TLE4: variants seen among roughly 807,000 people sequenced by gnomAD.
TLE4 encodes the protein TLE family member 4, transcriptional corepressor.
In TLE4, 8 loss-of-function variants were observed where a neutral mutation model predicts 92.8. The ratio of observed to expected loss-of-function variants is 0.09; its 90% CI spans 0.05 to 0.16. The LOEUF (loss-of-function observed/expected upper bound fraction) is 0.16, where lower values mean the gene tolerates loss of function less well. TLE4 is among the 10% of genes least tolerant of loss of function. TLE4 has a pLI of 1.00. For missense variants in TLE4, 675 were observed against 997.6 expected (o/e 0.68, Z 4.36); for synonymous variants, 371 against 374.1 (o/e 0.99, Z 0.10).
At chr9:79,612,825 T>C in intron 5 of TLE4, 107 bp downstream of exon 5, 1 of 914,112 alleles carries the variant, frequency 1.1e-6, no homozygotes, top group Non-Finnish European at 1.8e-6. Context: ...TCTTGGTGTT[T>C]GTATTTTATT....
intron 14 of TLE4, among the ~76,000 whole-genome samples, chr9:79,712,714 C>G (rs982510306): frequency 1.5e-4 from 23 of 152,192 alleles, no homozygotes; most frequent in African/African-American, 5.5e-4. Flanking sequence ...AGCAGAGGTT[C>G]TACTTCATAT....
chr9:79,664,852 C>T (rs13294683), intron 8 of TLE4, among the ~76,000 whole-genome samples: 9,477 of 152,166 alleles, frequency 0.062, 441 homozygotes, highest in South Asian at 0.13. Flanking sequence ...TTTTCAATTC[C>T]CTTCTCTTTT....
intron 19 of TLE4, among the ~76,000 whole-genome samples, chr9:79,724,567 G>A (rs2076146597): frequency 6.6e-6 from 1 of 152,010 alleles, no homozygotes; most frequent in Admixed American, 6.5e-5. Context: ...AAAGTGCCAC[G>A]TGGTGGCTCA....
chr9:79,692,486 C>T (rs10780320), intron 8 of TLE4, among the ~76,000 whole-genome samples: 134,556 of 152,206 alleles, frequency 0.88, 59,493 homozygotes, highest in Admixed American at 0.9. Flanking sequence ...TAGGACAGAT[C>T]CCAGAAACAA....
chr9:79,641,948 CT>C lies in TLE4; in HGVS notation c.391-10632del, dbSNP rs79662369. Among the ~76,000 whole-genome samples the C allele has an allele frequency of 9.2e-3, 1,308 of 141,762 alleles. 8 individuals are homozygous for C. The highest frequency in any genetic ancestry group is 0.018 in the Middle Eastern group (5 of 272). The allele number at this position is 141,762 out of a possible 152,430, so 93.0% of individuals were successfully genotyped here. ...AAGTCTATTTAGTGGGCATAGTGGACTTTTTTTTTTTTTAATTAAAAAAGGG... is the reference window on the plus strand; with the variant it reads ...AAGTCTATTTAGTGGGCATAGTGGACTTTTTTTTTTTTAATTAAAAAAGGG... On this transcript the variant is annotated intron_variant, in intron 6 of 19. Coordinates refer to ENST00000376552, the MANE Select transcript of TLE4 (RefSeq NM_007005.6).
chr9:79,672,319 TAACC>T (rs746993239), intron 8 of TLE4, among the ~76,000 whole-genome samples: 5 of 152,100 alleles, frequency 3.3e-5, no homozygotes, highest in Non-Finnish European at 7.4e-5. Flanking sequence ...GAATCCAGAA[TAACC>T]AACCAACATG....
At chr9:79,606,603 A>G (rs1287622011) in intron 4 of TLE4, among the ~76,000 whole-genome samples, 1 of 151,528 alleles carries the variant, frequency 6.6e-6, no homozygotes, top group African/African-American at 2.4e-5. Context: ...TTCAGTTCCC[A>G]CCTATGAGTG....
chr9:79,708,709 C>T lies in TLE4; in HGVS notation c.1186C>T (p.Leu396Phe), dbSNP rs969431460. ...LTSPGAAYAG[L>F]HNISPQMSAA... ...CAGCCCCGGAGCGGCCTACGCTGGG[C>T]TCCACAACATCTCCCCTCAGATGAG... Residue 396 changes from leucine (L) to phenylalanine (F), a missense_variant, in exon 13 of 20, where the codon CTC becomes TTC. By Grantham distance (22) the Leu-to-Phe change is conservative (BLOSUM62 0). Transcript: ENST00000376552. The T allele has an allele frequency of 1.9e-6, 3 of 1,613,186 alleles. No homozygotes were observed. The African/African-American group carries it at 4.0e-5, about 22-fold the overall frequency.
chr9:79,670,470 T>G (rs1234541473), intron 8 of TLE4, among the ~76,000 whole-genome samples: 1 of 152,190 alleles, frequency 6.6e-6, no homozygotes, highest in Non-Finnish European at 1.5e-5. Flanking sequence ...AAGACCTGTT[T>G]TACAGACAGA....
At chr9:79,671,365 C>G (rs183038028) in intron 8 of TLE4, 3 of 429,064 alleles carry the variant, frequency 7.0e-6, no homozygotes, top group Non-Finnish European at 1.5e-5. Flanking sequence ...ACTACCCTGA[C>G]GAGCTCAACG....
intron 5 of TLE4, among the ~76,000 whole-genome samples, chr9:79,625,467 T>G (rs1156622326): frequency 2.0e-5 from 3 of 152,222 alleles, no homozygotes; most frequent in Non-Finnish European, 2.9e-5. Context: ...ACATGTTTGT[T>G]GTATTCTGTA....
intron 8 of TLE4, among the ~76,000 whole-genome samples, chr9:79,657,072 A>G (rs113699379): frequency 3.3e-4 from 50 of 152,330 alleles, no homozygotes; most frequent in African/African-American, 1.2e-3. Flanking sequence ...AGGAGAAAAC[A>G]CTGTAGGAGC....
chr9:79,706,454 G>A (rs2071597313), intron 10 of TLE4, among the ~76,000 whole-genome samples: 1 of 151,026 alleles, frequency 6.6e-6, no homozygotes, highest in African/African-American at 2.4e-5. Flanking sequence ...CTGCAGTGAA[G>A]GCACACCAGA....
chr9:79,574,838 A>G (rs769136330), intron 2 of TLE4, 35 bp from the exon 3 acceptor site: 11 of 1,580,052 alleles, frequency 7.0e-6, no homozygotes, highest in Non-Finnish European at 9.6e-6. Context: ...GTAAGTTAAG[A>G]TCATTGTACT....
At chr9:79,601,491 G>A (rs2045647816) in intron 4 of TLE4, 2 of 454,258 alleles carry the variant, frequency 4.4e-6, no homozygotes, top group Admixed American at 2.4e-5. Flanking sequence ...CTCACTTCGT[G>A]TCTCTGTGTC....
intron 8 of TLE4, among the ~76,000 whole-genome samples, chr9:79,689,231 A>AAAC (rs1391148234): frequency 6.6e-6 from 1 of 152,090 alleles, no homozygotes; most frequent in Non-Finnish European, 1.5e-5. Context: ...GAGGCTTTGC[A>AAAC]AAGTTGATAA....
At chr9:79,609,634 A>G (rs1418934416) in intron 4 of TLE4, among the ~76,000 whole-genome samples, 1 of 152,118 alleles carries the variant, frequency 6.6e-6, no homozygotes, top group East Asian at 1.9e-4. Context: ...ACATTTTGAC[A>G]TGAACAATTG....
At chr9:79,702,303 A>C (rs2070164111) in intron 8 of TLE4, among the ~76,000 whole-genome samples, 1 of 152,106 alleles carries the variant, frequency 6.6e-6, no homozygotes, top group East Asian at 1.9e-4. Context: ...AACAGGCTGA[A>C]CCTCTCTTTG....
intron 6 of TLE4, among the ~76,000 whole-genome samples, chr9:79,643,310 C>T (rs934009774): frequency 6.6e-6 from 1 of 152,174 alleles, no homozygotes; most frequent in Non-Finnish European, 1.5e-5. Context: ...CTGTTTCACC[C>T]CCTAATATTT....
Sources: allele counts gnomAD v4.1 joint callset (sites outside exome capture counted in the v4.1 genomes callset), GRCh38; gene constraint gnomAD v4.1.1; transcripts MANE v1.5; gene names NCBI Gene and HGNC (gene_info 2026-07-23, HGNC 2026-07-21).